Variants in LRP1B observed in about 807,000 individuals in gnomAD.
LRP1B encodes LDL receptor related protein 1B.
LRP1B carries 217 observed loss-of-function variants against 556.6 expected under a neutral mutation model. That is an observed-to-expected ratio of 0.39 (90% confidence interval 0.35 to 0.44). LRP1B has a LOEUF of 0.44. Among genes scored for constraint, LRP1B ranks in the 20% least tolerant of loss-of-function variants. The pLI, the probability that LRP1B is intolerant of heterozygous loss-of-function variation, is 1.00. For missense variants in LRP1B, 5,053 were observed against 5,620.8 expected (o/e 0.90, Z 3.23); for synonymous variants, 2,047 against 1,865.8 (o/e 1.10, Z -2.50).
rs187592687 is a variant in LRP1B at position 141,650,746 on chromosome 2, A to G, written c.205+159533T>C. Among the ~76,000 whole-genome samples, 88 of 152,312 alleles carry G rather than the reference A, an allele frequency of 5.8e-4. 1 individual carries two copies. The East Asian group carries it at 0.011, about 18-fold the overall frequency. ...AATGAAGAAAAACATCTAGTGAATC[A>G]GTTTGAAAAAAAGCCCATTTGAAAA... On this transcript the variant is annotated intron_variant, in intron 2 of 90. Coordinates refer to ENST00000389484, the MANE Select transcript of LRP1B (RefSeq NM_018557.3).
chr2:141,216,185 C>T (rs1385992339), intron 6 of LRP1B, among the ~76,000 whole-genome samples: 1 of 152,182 alleles, frequency 6.6e-6, no homozygotes, highest in East Asian at 1.9e-4. Flanking sequence ...ACAGCACCAG[C>T]CAGGGTTCAA....
At chr2:141,530,268 T>C (rs1684824797) in intron 2 of LRP1B, among the ~76,000 whole-genome samples, 1 of 152,126 alleles carries the variant, frequency 6.6e-6, no homozygotes, top group Middle Eastern at 3.2e-3. Context: ...GGTTAGATTA[T>C]TTCTCTTCTC....
chr2:140,958,979 A>G (rs1461228203), intron 18 of LRP1B, among the ~76,000 whole-genome samples: 6 of 151,598 alleles, frequency 4.0e-5, no homozygotes, highest in Non-Finnish European at 7.4e-5. Context: ...AAGGCAAGAG[A>G]AGTGTTTGAA....
chr2:141,779,293 C>T (rs1695169191), intron 2 of LRP1B, among the ~76,000 whole-genome samples: 1 of 152,012 alleles, frequency 6.6e-6, no homozygotes, highest in Non-Finnish European at 1.5e-5. Context: ...AGTCTCTGAG[C>T]CAGATGGTGT....
At chr2:141,272,609 A>G (rs1685129717) in intron 3 of LRP1B, among the ~76,000 whole-genome samples, 1 of 152,222 alleles carries the variant, frequency 6.6e-6, no homozygotes, top group African/African-American at 2.4e-5. Flanking sequence ...AGGTGGAAAG[A>G]AAATGGATGG....
chr2:141,309,075 T>C (rs983455707), intron 3 of LRP1B, among the ~76,000 whole-genome samples: 1 of 152,206 alleles, frequency 6.6e-6, no homozygotes, highest in African/African-American at 2.4e-5. Context: ...TAGCACATGG[T>C]TTGGCAAATC....
At chr2:140,546,356 T>C (rs959165839) in intron 43 of LRP1B, among the ~76,000 whole-genome samples, 5 of 152,020 alleles carry the variant, frequency 3.3e-5, no homozygotes, top group African/African-American at 9.7e-5. Flanking sequence ...CTTGTTGTAT[T>C]AGTACATTCT....
chr2:141,773,428 GT>G (rs1694963687), intron 2 of LRP1B, among the ~76,000 whole-genome samples: 1 of 152,210 alleles, frequency 6.6e-6, no homozygotes, highest in South Asian at 2.1e-4. Flanking sequence ...GTCAAGTACG[GT>G]TTCCTGCAAG....
intron 41 of LRP1B, among the ~76,000 whole-genome samples, chr2:140,635,676 T>C (rs1189906315): frequency 1.3e-5 from 2 of 152,038 alleles, no homozygotes; most frequent in Non-Finnish European, 2.9e-5. Context: ...ATATACTATA[T>C]ATAACATGTC....
chr2:140,252,082 AAAAAAAACCC>A, intron 86 of LRP1B, among the ~76,000 whole-genome samples: 1 of 140,038 alleles, frequency 7.1e-6, no homozygotes, highest in Admixed American at 7.2e-5. Context: ...AAAAAAAAAA[AAAAAAAACCC>A]AAAAAACAAA....
intron 7 of LRP1B, among the ~76,000 whole-genome samples, chr2:141,176,964 C>T (rs1203404917): frequency 6.6e-6 from 1 of 152,084 alleles, no homozygotes; most frequent in African/African-American, 2.4e-5. Context: ...TGTCCTCCTT[C>T]TGCTTTTTCC....
At chr2:140,776,359 A>G in intron 32 of LRP1B, 121 bp from the exon 33 acceptor site, 2 of 614,816 alleles carry the variant, frequency 3.3e-6, no homozygotes, top group Non-Finnish European at 2.4e-6. Flanking sequence ...CTCTGTTTCT[A>G]AGGGAAACAG....
Position 140,570,905 on chromosome 2 carries a change from A to T in LRP1B, c.7194+27726T>A, listed in dbSNP as rs547086207. On this transcript the variant is annotated intron_variant, in intron 43 of 90. Transcript: ENST00000389484. ...ATGTGATACATTATGTTACAGAATA[A>T]GAAACAGAAACCATATAATCATCTT... Among the ~76,000 whole-genome samples the T allele has an allele frequency of 3.3e-5, 5 of 151,980 alleles. No individual in the cohort carries two copies. The South Asian group carries it at 1.0e-3, about 31-fold the overall frequency.
intron 2 of LRP1B, among the ~76,000 whole-genome samples, chr2:141,729,725 T>A (rs535480476): frequency 1.1e-3 from 166 of 152,354 alleles, no homozygotes; most frequent in African/African-American, 3.7e-3. Flanking sequence ...AAAATGGATT[T>A]ACATTTTTAA....
At chr2:140,748,137 A>ATGTGTGTATAT (rs1688389023) in intron 35 of LRP1B, among the ~76,000 whole-genome samples, 2 of 75,062 alleles carry the variant, frequency 2.7e-5, no homozygotes, top group South Asian at 4.4e-4. Context: ...ATATATATAT[A>ATGTGTGTATAT]ATTCATATAT....
At chr2:141,342,572 G>T (rs1250106952) in intron 3 of LRP1B, among the ~76,000 whole-genome samples, 1 of 151,856 alleles carries the variant, frequency 6.6e-6, no homozygotes, top group East Asian at 2.0e-4. Flanking sequence ...ACTTCATGAA[G>T]CATACACAAG....
At chr2:140,335,109 G>A (rs971841350) in intron 78 of LRP1B, among the ~76,000 whole-genome samples, 1 of 151,504 alleles carries the variant, frequency 6.6e-6, no homozygotes, top group South Asian at 2.1e-4. Flanking sequence ...TTCCTTTTTG[G>A]CCATTGCCTG....
intron 11 of LRP1B, among the ~76,000 whole-genome samples, chr2:141,047,899 G>T (rs1698923813): frequency 6.6e-6 from 1 of 152,174 alleles, no homozygotes; most frequent in East Asian, 1.9e-4. Context: ...TGCCGAAGGA[G>T]TTATCTGAGT....
chr2:141,215,564 A>C (rs1197118522), intron 6 of LRP1B, among the ~76,000 whole-genome samples: 1 of 152,186 alleles, frequency 6.6e-6, no homozygotes, highest in African/African-American at 2.4e-5. Context: ...TTGTGACCAA[A>C]TGCTGATACT....
Sources: allele counts gnomAD v4.1 joint callset (sites outside exome capture counted in the v4.1 genomes callset), GRCh38; gene constraint gnomAD v4.1.1; transcripts MANE v1.5; gene names NCBI Gene and HGNC (gene_info 2026-07-23, HGNC 2026-07-21).